The following ANO4 variants were observed in gnomAD, a reference collection of about 807,000 sequenced individuals.
ANO4 encodes anoctamin 4, also known as anoctamin-4.
Under a neutral mutation model 141.9 loss-of-function variants are expected in ANO4, and 69 were observed. The ratio of observed to expected loss-of-function variants is 0.49; its 90% CI spans 0.40 to 0.59. ANO4 has a LOEUF of 0.59. Ranked by LOEUF, ANO4 falls within the 20% of genes least tolerant of loss-of-function variation. The pLI is 0.00. For synonymous variants in ANO4, 350 were observed against 394.3 expected, an observed-to-expected ratio of 0.89 and a Z score of 1.33; for missense variants, 894 against 1,162.2, an observed-to-expected ratio of 0.77 and a Z score of 3.36.
intron 5 of ANO4, among the ~76,000 whole-genome samples, chr12:100,958,778 G>A (rs1330831196): frequency 6.6e-5 from 10 of 152,202 alleles, no homozygotes; most frequent in Non-Finnish European, 1.2e-4. Context: ...AGACTGGGAG[G>A]TTGAGGCTGC....
At chr12:100,954,009 C>G (rs933498646) in intron 5 of ANO4, among the ~76,000 whole-genome samples, 1 of 152,082 alleles carries the variant, frequency 6.6e-6, no homozygotes, top group Non-Finnish European at 1.5e-5. Context: ...AGAGGCCCGA[C>G]CTAGTTGCAA....
intron 1 of ANO4, among the ~76,000 whole-genome samples, chr12:100,795,970 CA>C (rs779791686): frequency 9.2e-5 from 14 of 151,362 alleles, no homozygotes; most frequent in Non-Finnish European, 1.8e-4. Flanking sequence ...TCTTGACGCC[CA>C]AAGGAAACCA....
At chr12:100,780,588 A>G in intron 3 of ANO4, among the ~76,000 whole-genome samples, 1 of 152,236 alleles carries the variant, frequency 6.6e-6, no homozygotes. Context: ...TCTTAAATAC[A>G]TTATAATTAG....
At chr12:100,792,699 A>G (rs1389630061), upstream of ANO4, among the ~76,000 whole-genome samples, 1 of 152,180 alleles carries the variant, frequency 6.6e-6, no homozygotes, top group Non-Finnish European at 1.5e-5. Context: ...GATAATTTGT[A>G]TTTCTGCAGT....
chr12:100,886,165 C>T (rs1010362117), intron 1 of ANO4, among the ~76,000 whole-genome samples: 1 of 152,100 alleles, frequency 6.6e-6, no homozygotes, highest in African/African-American at 2.4e-5. Context: ...GATTTGTTGC[C>T]CCAGTTGAAG....
At chr12:101,024,188 T>A (rs61944926) in intron 9 of ANO4, among the ~76,000 whole-genome samples, 8,590 of 152,324 alleles carry the variant, frequency 0.056, 399 homozygotes, top group African/African-American at 0.12. Flanking sequence ...TGAAATTGAT[T>A]TGTATTTTTG....
chr12:100,891,517 A>G (rs902607184), intron 1 of ANO4, among the ~76,000 whole-genome samples: 2 of 152,160 alleles, frequency 1.3e-5, no homozygotes, highest in African/African-American at 4.8e-5. Flanking sequence ...TCACTATTCT[A>G]ATAGATGTGG....
intron 15 of ANO4, among the ~76,000 whole-genome samples, chr12:101,079,773 G>A (rs1383883548): frequency 1.3e-5 from 2 of 152,166 alleles, no homozygotes; most frequent in African/African-American, 4.8e-5. Context: ...CACCTTGGGA[G>A]ACGTGGTTAA....
intron 1 of ANO4, among the ~76,000 whole-genome samples, chr12:100,844,857 A>T (rs1229566238): frequency 6.6e-6 from 1 of 152,130 alleles, no homozygotes; most frequent in Non-Finnish European, 1.5e-5. Context: ...GGAATAGGGG[A>T]GATCAACAAG....
chr12:101,020,052 A>G lies in ANO4; in HGVS notation c.753A>G (p.Lys251=). 1.9e-6 allele frequency: 3 copies of G among 1,612,998 alleles called. No homozygotes were observed. The highest frequency in any genetic ancestry group is 2.5e-6 in the Non-Finnish European group (3 of 1,179,104). Residue 251 remains lysine (K), a synonymous_variant, in exon 9 of 28, where the codon AAA becomes AAG. Coordinates refer to ENST00000392977, the MANE Select transcript of ANO4 (RefSeq NM_001286615.2). ...TATGCAGCTTCATCATACACAACAAAGAAACGTTCTTCAACAATGCCACAA... is the reference window on the plus strand; with the variant it reads ...TATGCAGCTTCATCATACACAACAAGGAAACGTTCTTCAACAATGCCACAA... The part of the protein sequence containing the change: ...QRIHHFIIHN[K]ETFFNNATRS...
intron 7 of ANO4, among the ~76,000 whole-genome samples, chr12:100,985,708 G>C (rs1269425862): frequency 1.3e-5 from 2 of 152,164 alleles, no homozygotes; most frequent in African/African-American, 4.8e-5. Flanking sequence ...TTTTCAGTTT[G>C]ACCCTTTGGG....
rs552565479 is a variant in ANO4, at chr12:100,724,245, G to A, written c.22+6698G>A. Reference sequence around the variant, plus strand: ...CTAGAAGTGGAATCAAAGGGACGCCGGGATAATGAGCACCAGACACAGTAT... The same window carrying A: ...CTAGAAGTGGAATCAAAGGGACGCCAGGATAATGAGCACCAGACACAGTAT... On this transcript the variant is annotated intron_variant, in intron 1 of 29. Coordinates refer to the ANO4 transcript ENST00000644049. Among the ~76,000 whole-genome samples the A allele has an allele frequency of 3.3e-5, 5 of 152,270 alleles. No homozygotes were observed. In the East Asian group the frequency reaches 7.7e-4, roughly 24 times the overall value.
intron 1 of ANO4, among the ~76,000 whole-genome samples, chr12:100,884,000 G>C (rs1029768524): frequency 6.6e-6 from 1 of 152,150 alleles, no homozygotes; most frequent in African/African-American, 2.4e-5. Flanking sequence ...ATGTAATTAA[G>C]TCAGTGCTGA....
At chr12:100,768,501 C>T (rs1014062942) in intron 3 of ANO4, among the ~76,000 whole-genome samples, 2 of 152,190 alleles carry the variant, frequency 1.3e-5, no homozygotes, top group East Asian at 1.9e-4. Context: ...ATCTGATGAA[C>T]ATCATTCTAC....
intron 3 of ANO4, 96 bp from the exon 4 acceptor site, chr12:100,939,219 A>C (rs1379506194): frequency 1.6e-5 from 20 of 1,288,784 alleles, no homozygotes; most frequent in Non-Finnish European, 2.1e-5. Flanking sequence ...AAATGATGAG[A>C]AAATATGAAC....
chr12:100,961,820 A>G (rs1447411711), intron 5 of ANO4, among the ~76,000 whole-genome samples: 1 of 152,178 alleles, frequency 6.6e-6, no homozygotes, highest in Non-Finnish European at 1.5e-5. Context: ...TGCCTACTGT[A>G]CTGCCAGTAT....
At chr12:100,922,965 T>C (rs2041695379) in intron 3 of ANO4, among the ~76,000 whole-genome samples, 1 of 152,146 alleles carries the variant, frequency 6.6e-6, no homozygotes, top group Non-Finnish European at 1.5e-5. Flanking sequence ...TCATACTAAG[T>C]CATTACCATT....
chr12:100,734,930 A>G (rs759810684), intron 2 of ANO4, among the ~76,000 whole-genome samples: 1 of 152,256 alleles, frequency 6.6e-6, no homozygotes, highest in African/African-American at 2.4e-5. Context: ...ATACAAATTT[A>G]CCACACTAAT....
chr12:100,839,845 A>G (rs914006369), intron 1 of ANO4, among the ~76,000 whole-genome samples: 1 of 152,176 alleles, frequency 6.6e-6, no homozygotes, highest in Non-Finnish European at 1.5e-5. Context: ...TAAAATGTGC[A>G]CTAATCTAAA....
Sources: allele counts gnomAD v4.1 joint callset (sites outside exome capture counted in the v4.1 genomes callset), GRCh38; gene constraint gnomAD v4.1.1; transcripts MANE v1.5; gene names NCBI Gene and HGNC (gene_info 2026-07-23, HGNC 2026-07-21).